The following DLG2 variants were observed in gnomAD, a reference collection of about 807,000 sequenced individuals.
The protein encoded by DLG2 is disks large homolog 2.
In DLG2, 45 loss-of-function variants were observed where a neutral mutation model predicts 132.5. The ratio of observed to expected loss-of-function variants is 0.34; its 90% CI spans 0.27 to 0.44. DLG2 has a LOEUF of 0.44. DLG2 is among the 20% of genes least tolerant of loss of function. The probability of loss-of-function intolerance (pLI) is 1.00; values close to 1 mark genes in which losing one functional copy is unlikely to be tolerated. For synonymous variants in DLG2, 424 were observed against 419.6 expected (o/e 1.01, Z -0.13); for missense variants, 1,045 against 1,196.9 (o/e 0.87, Z 1.87).
chr11:84,952,819 C>T (rs1180799965), intron 6 of DLG2, among the ~76,000 whole-genome samples: 1 of 152,130 alleles, frequency 6.6e-6, no homozygotes, highest in Non-Finnish European at 1.5e-5. Flanking sequence ...TTCCTACAAC[C>T]CAATACCAAT....
chr11:84,214,147 C>G (rs1236433563), intron 8 of DLG2, among the ~76,000 whole-genome samples: 2 of 144,572 alleles, frequency 1.4e-5, no homozygotes, highest in Non-Finnish European at 3.0e-5. Flanking sequence ...ATTTCAAATA[C>G]TAACCTGAAA....
intron 7 of DLG2, among the ~76,000 whole-genome samples, chr11:84,280,824 A>G (rs967440176): frequency 7.0e-6 from 1 of 143,468 alleles, no homozygotes; most frequent in African/African-American, 2.6e-5. Flanking sequence ...CAGCCTCCCG[A>G]GTAGTAGCTG....
chr11:84,634,165 T>C (rs1229160300), intron 6 of DLG2, among the ~76,000 whole-genome samples: 1 of 152,180 alleles, frequency 6.6e-6, no homozygotes, highest in Non-Finnish European at 1.5e-5. Flanking sequence ...TCTTTGTTTC[T>C]AACCATCTGT....
chr11:84,018,646 A>G (rs957613997), intron 11 of DLG2, among the ~76,000 whole-genome samples: 1 of 151,988 alleles, frequency 6.6e-6, no homozygotes, highest in African/African-American at 2.4e-5. Flanking sequence ...ATACCTCTAG[A>G]TCCAGCTGCC....
intron 7 of DLG2, among the ~76,000 whole-genome samples, chr11:84,252,218 C>A (rs2097393374): frequency 8.2e-6 from 1 of 122,218 alleles, no homozygotes; most frequent in Non-Finnish European, 1.6e-5. Context: ...GTGGTGCAAA[C>A]TCGGGTCACT....
chr11:84,086,239 T>C (rs1014563057), intron 10 of DLG2, among the ~76,000 whole-genome samples: 38 of 152,264 alleles, frequency 2.5e-4, no homozygotes, highest in African/African-American at 7.9e-4. Context: ...AACAACAATA[T>C]GAAGAAGTTG....
intron 19 of DLG2, among the ~76,000 whole-genome samples, chr11:83,548,576 AAC>A (rs1242756494): frequency 6.6e-5 from 10 of 152,048 alleles, no homozygotes; most frequent in Middle Eastern, 3.4e-3. Context: ...CAACAACAAC[AAC>A]AACCCACTGA....
intron 16 of DLG2, among the ~76,000 whole-genome samples, chr11:83,837,629 AG>A (rs969474735): frequency 7.3e-6 from 1 of 137,930 alleles, no homozygotes; most frequent in Non-Finnish European, 1.5e-5. Context: ...ATTTATCTAA[AG>A]GGAGCAGGTT....
At chr11:84,686,882 C>G (rs2099738687) in intron 6 of DLG2, 1 of 152,068 alleles carries the variant, frequency 6.6e-6, no homozygotes, top group African/African-American at 2.4e-5. Flanking sequence ...GCACCTCCTC[C>G]TTGGCTCCTA....
chr11:83,946,399 G>A (rs189360307), intron 14 of DLG2, among the ~76,000 whole-genome samples: 13 of 152,236 alleles, frequency 8.5e-5, no homozygotes, highest in African/African-American at 2.6e-4. Flanking sequence ...TTCTGTTTTT[G>A]ACACTTATGT....
rs544410473 is a variant in DLG2, at chr11:84,449,704, TTA to T, written c.519+84864_519+84865del. ...ACATACTATCTTTATTGTTGTTTAC[TTA>T]TGTTATTTTAAAATTTAATTTGACT... is the stretch of plus-strand genomic sequence containing the variant. On this transcript the variant is annotated intron_variant, in intron 7 of 27. Coordinates refer to ENST00000376104, the MANE Select transcript of DLG2 (RefSeq NM_001142699.3). Among the ~76,000 whole-genome samples, 23 of 152,028 alleles carry T rather than the reference TTA, an allele frequency of 1.5e-4. No individual in the cohort carries two copies. In the East Asian group the frequency reaches 4.4e-3, roughly 29 times the overall value.
At position 85,150,615 on chromosome 11, in the gene DLG2, T is replaced by C. The variant is rs12362513; in HGVS notation, c.282+3941A>G. ...CATACAGTGTTTGTCCTTTTGTGACTGGCTTATTTTGCTTAGCATAATGCC... is the reference window on the plus strand; with the variant it reads ...CATACAGTGTTTGTCCTTTTGTGACCGGCTTATTTTGCTTAGCATAATGCC... On this transcript the variant is annotated intron_variant, in intron 5 of 27. Transcript: ENST00000376104. Among the ~76,000 whole-genome samples the C allele has an allele frequency of 5.5e-3, 831 of 152,242 alleles. 2 individuals carry two copies. The highest frequency in any genetic ancestry group is 7.7e-3 in the Non-Finnish European group (526 of 68,016).
intron 7 of DLG2, among the ~76,000 whole-genome samples, chr11:84,337,248 C>T (rs879727398): frequency 2.0e-5 from 3 of 152,176 alleles, no homozygotes; most frequent in Middle Eastern, 3.4e-3. Flanking sequence ...CTTAACACAG[C>T]TAATAAAAGA....
intron 20 of DLG2, among the ~76,000 whole-genome samples, chr11:83,537,254 T>G (rs963540334): frequency 1.3e-5 from 2 of 152,172 alleles, no homozygotes; most frequent in Non-Finnish European, 2.9e-5. Context: ...CTCTCCCATC[T>G]GGTATTTTTA....
At chr11:83,929,569 A>C (rs1164663059) in intron 15 of DLG2, among the ~76,000 whole-genome samples, 1 of 152,208 alleles carries the variant, frequency 6.6e-6, no homozygotes, top group Non-Finnish European at 1.5e-5. Flanking sequence ...ACTTAGAATA[A>C]TTTCTTTACA....
In DLG2 at chr11:85,258,003, T is replaced by C. The variant is rs564358201; in HGVS notation, c.186+27217A>G. Among the ~76,000 whole-genome samples the C allele has an allele frequency of 1.1e-4, 16 of 152,248 alleles. 1 individual carries two copies. The South Asian group carries it at 3.1e-3, about 30-fold the overall frequency. ...ATAGAAGAAGAGCTCTTATATACAC[T>C]TTTACTCTAAGGACTCAGGAACTGA... On this transcript the variant is annotated intron_variant, in intron 4 of 27. Coordinates refer to ENST00000376104, the MANE Select transcript of DLG2 (RefSeq NM_001142699.3).
intron 6 of DLG2, among the ~76,000 whole-genome samples, chr11:84,581,743 C>T (rs1019001759): frequency 1.3e-5 from 2 of 151,832 alleles, no homozygotes; most frequent in East Asian, 3.9e-4. Flanking sequence ...CCCATCTGTA[C>T]TAAAAATACA....
chr11:85,378,176 C>T (rs2085584495), intron 3 of DLG2, among the ~76,000 whole-genome samples: 1 of 152,090 alleles, frequency 6.6e-6, no homozygotes, highest in Non-Finnish European at 1.5e-5. Context: ...AGCTCAGTGA[C>T]AATTCCAAAC....
At chr11:83,763,246 G>C (rs2093991186) in intron 18 of DLG2, among the ~76,000 whole-genome samples, 1 of 152,048 alleles carries the variant, frequency 6.6e-6, no homozygotes, top group African/African-American at 2.4e-5. Flanking sequence ...TGTGTTGTGG[G>C]GGTTTGGTGT....
Sources: allele counts gnomAD v4.1 joint callset (sites outside exome capture counted in the v4.1 genomes callset), GRCh38; gene constraint gnomAD v4.1.1; transcripts MANE v1.5; gene names NCBI Gene and HGNC (gene_info 2026-07-23, HGNC 2026-07-21).